RCC1L: variants seen among roughly 807,000 people sequenced by gnomAD.
The protein encoded by RCC1L is RCC1 like, also known as RCC1-like G exchanging factor-like protein.
In RCC1L, 46 loss-of-function variants were observed where a neutral mutation model predicts 58.6. The observed-to-expected ratio is 0.79, with a 90% CI of 0.62 to 1.00. The LOEUF is 1.00. RCC1L is among the 50% of genes least tolerant of loss of function. RCC1L has a pLI of 0.00. For missense variants in RCC1L, 636 were observed against 623.6 expected (o/e 1.02, Z -0.21); for synonymous variants, 281 against 262.9 (o/e 1.07, Z -0.67).
intron 9 of RCC1L, chr7:75,055,578 C>T: frequency 5.1e-6 from 2 of 390,268 alleles, no homozygotes; most frequent in Non-Finnish European, 4.9e-6. Context: ...ATCCGCCAAG[C>T]CTCTGCTGGT....
downstream of RCC1L, among the ~76,000 whole-genome samples, chr7:75,041,790 G>C (rs1259957573): frequency 7.3e-5 from 11 of 151,566 alleles, no homozygotes; most frequent in Non-Finnish European, 1.3e-4. Context: ...TTTGAACCCA[G>C]GGGGTGGAGG....
At chr7:75,065,382 C>G (rs1400061671) in intron 3 of RCC1L, among the ~76,000 whole-genome samples, 2 of 151,896 alleles carry the variant, frequency 1.3e-5, no homozygotes, top group African/African-American at 4.8e-5. Flanking sequence ...TGGTGAAACC[C>G]TGTCTCTACT....
intron 10 of RCC1L, among the ~76,000 whole-genome samples, chr7:75,047,407 C>T (rs1465952189): frequency 1.3e-5 from 2 of 152,192 alleles, no homozygotes; most frequent in South Asian, 2.1e-4. Context: ...GCTGGGATTA[C>T]AGGCACACGC....
chr7:75,038,806 A>T (rs1466854459), downstream of RCC1L, among the ~76,000 whole-genome samples: 1 of 152,124 alleles, frequency 6.6e-6, no homozygotes, highest in Non-Finnish European at 1.5e-5. Flanking sequence ...GGTCCCTGGG[A>T]GGCAGCTCAC....
chr7:75,047,658 A>T lies in RCC1L; in HGVS notation c.1318-4549T>A, dbSNP rs1364457840. 9.3e-5 allele frequency among the ~76,000 whole-genome samples: 14 copies of T among 150,864 alleles called. No homozygotes were observed. The South Asian group carries it at 2.9e-3, about 32-fold the overall frequency. On this transcript the variant is annotated intron_variant, in intron 10 of 10. Coordinates refer to ENST00000610322, the MANE Select transcript of RCC1L (RefSeq NM_030798.5). Reference sequence around the variant, plus strand: ...TGAATAAATAAAATTATATATATATATTTTTTGGAGACAGAGTATCACTCT... The same window carrying T: ...TGAATAAATAAAATTATATATATATTTTTTTTGGAGACAGAGTATCACTCT...
At chr7:75,064,960 T>C (rs1563078463) in intron 3 of RCC1L, among the ~76,000 whole-genome samples, 1 of 152,058 alleles carries the variant, frequency 6.6e-6, no homozygotes, top group Non-Finnish European at 1.5e-5. Flanking sequence ...AAAGAGCCCC[T>C]AAATGCAGCG....
At chr7:75,043,260 C>T in intron 10 of RCC1L, 151 bp from the exon 11 acceptor site, 1 of 949,360 alleles carries the variant, frequency 1.1e-6, no homozygotes. Flanking sequence ...CAGTAGGAGA[C>T]AGCTTCTCTG....
In RCC1L at chr7:75,057,527, A is replaced by C. The variant is rs1584497126; in HGVS notation, c.1057+2T>G. 1 of 1,613,862 alleles carries C rather than the reference A, an allele frequency of 6.2e-7. No individual in the cohort carries two copies. The highest frequency in any genetic ancestry group is 8.5e-7 in the Non-Finnish European group (1 of 1,179,812). On this transcript the variant is annotated splice_donor_variant, in intron 8 of 10. Transcript: ENST00000610322. LOFTEE classifies it high-confidence loss of function. ...AATGAGCCACCGGAAAGAAGGTCTC[A>C]CCGTTTAACACTGCACAGCCCGTGC... is the stretch of plus-strand genomic sequence containing the variant.
chr7:75,069,429 C>T (rs1430361367), intron 2 of RCC1L, among the ~76,000 whole-genome samples: 2 of 149,564 alleles, frequency 1.3e-5, no homozygotes, highest in Non-Finnish European at 3.0e-5. Flanking sequence ...TGGTCTGGAA[C>T]TCCAGGCCTC....
chr7:75,064,878 T>C, intron 3 of RCC1L: 1 of 595,664 alleles, frequency 1.7e-6, no homozygotes, highest in Non-Finnish European at 3.1e-6. Context: ...TCTTGGGAAT[T>C]CCACCTTCTG....
exon 11 of RCC1L, chr7:75,027,950 A>T: frequency 7.1e-7 from 1 of 1,418,230 alleles, no homozygotes; most frequent in Non-Finnish European, 9.6e-7. Context: ...CCCCACTTGG[A>T]GGGGCATGTG....
rs1054562061 is a variant in RCC1L, at chr7:75,057,549, G to A, written c.1037C>T (p.Thr346Met). ...CTCACCGTTTAACACTGCACAGCCC[G>A]TGCCACCGCATGCAGCCTGTCGCAC... ...GKVRQAACGG[T>M]GCAVLNGEGH... The change falls in exon 8 of 11, where the codon ACG becomes ATG. Residue 346 changes from threonine to methionine, a missense_variant. Physicochemically the swap from Thr to Met is moderately conservative, Grantham distance 81. Coordinates refer to ENST00000610322, the MANE Select transcript of RCC1L (RefSeq NM_030798.5). The A allele has an allele frequency of 2.8e-5, 45 of 1,613,750 alleles. No homozygotes were observed. Among genetic ancestry groups the A allele is most frequent in the African/African-American group, 1.2e-4 (9 of 74,876 alleles).
At chr7:75,054,247 A>G (rs1806010154) in intron 9 of RCC1L, among the ~76,000 whole-genome samples, 1 of 152,070 alleles carries the variant, frequency 6.6e-6, no homozygotes, top group East Asian at 1.9e-4. Flanking sequence ...GGCTCCCCAA[A>G]ATGCTAGCAG....
chr7:75,072,149 CATATACATATACATATAT>C (rs1457844783), intron 1 of RCC1L, among the ~76,000 whole-genome samples: 3 of 35,900 alleles, frequency 8.4e-5, no homozygotes, highest in Admixed American at 4.6e-4. Context: ...TATACATATA[CATATACATATACATATAT>C]ATATATATAT....
chr7:75,035,955 T>C lies in RCC1L; in HGVS notation c.1318-7876A>G, dbSNP rs1805422973. ...AGGAGTTCAAGGCCGCAAGGAGCTATGATCGCACCACTGTACTCCAGCCTG... is the reference window on the plus strand; with the variant it reads ...AGGAGTTCAAGGCCGCAAGGAGCTACGATCGCACCACTGTACTCCAGCCTG... On this transcript the variant is annotated intron_variant, in intron 10 of 10. Coordinates refer to the RCC1L transcript ENST00000614461. Among the ~76,000 whole-genome samples the C allele has an allele frequency of 2.6e-5, 4 of 151,908 alleles. No individual in the cohort carries two copies. The South Asian group carries it at 8.3e-4, about 32-fold the overall frequency.
At chr7:75,066,024 A>AG (rs1806466500) in intron 3 of RCC1L, among the ~76,000 whole-genome samples, 1 of 150,882 alleles carries the variant, frequency 6.6e-6, no homozygotes, top group South Asian at 2.1e-4. Context: ...TCTCAAAAAA[A>AG]AAAAAAAGAA....
exon 11 of RCC1L, chr7:75,027,878 C>A: frequency 1.2e-6 from 1 of 865,900 alleles, no homozygotes; most frequent in Non-Finnish European, 1.8e-6. Context: ...CAGGGGCCGT[C>A]TGCCCTTGTC....
At chr7:75,066,517 C>T in intron 3 of RCC1L, 147 bp downstream of exon 3, 16 of 981,670 alleles carry the variant, frequency 1.6e-5, no homozygotes, top group Non-Finnish European at 2.4e-5. Flanking sequence ...CTGTCTTGAG[C>T]AATCCCACTG....
At position 75,070,628 on chromosome 7, in the gene RCC1L, A is replaced by T. The variant is rs1806688785; in HGVS notation, c.454+12T>A. Reference sequence around the variant, plus strand: ...AATCCCGGCAAAGAGGAGACAAGGTAGGGATGCTCACTTTTATCTTTCCGG... The same window carrying T: ...AATCCCGGCAAAGAGGAGACAAGGTTGGGATGCTCACTTTTATCTTTCCGG... On this transcript the variant is annotated intron_variant, in intron 2 of 10. Coordinates refer to ENST00000610322, the MANE Select transcript of RCC1L (RefSeq NM_030798.5). 1.9e-6 allele frequency: 3 copies of T among 1,613,468 alleles called. No individual in the cohort carries two copies. Among genetic ancestry groups the T allele is most frequent in the Non-Finnish European group, 2.5e-6 (3 of 1,179,732 alleles).
Sources: allele counts gnomAD v4.1 joint callset (sites outside exome capture counted in the v4.1 genomes callset), GRCh38; gene constraint gnomAD v4.1.1; transcripts MANE v1.5; gene names NCBI Gene and HGNC (gene_info 2026-07-23, HGNC 2026-07-21).